PLXNA1: variants seen among roughly 807,000 people sequenced by gnomAD.
PLXNA1 encodes the protein plexin A1.
A neutral mutation model predicts 191.7 loss-of-function variants in PLXNA1; 77 were observed. The observed-to-expected ratio is 0.40, with a 90% confidence interval of 0.33 to 0.49. PLXNA1 has a LOEUF of 0.49. PLXNA1 is among the 20% of genes least tolerant of loss of function. The probability of loss-of-function intolerance (pLI) is 0.63; values close to 1 mark genes in which losing one functional copy is unlikely to be tolerated. For synonymous variants in PLXNA1, 1,137 were observed against 1,156.4 expected, an observed-to-expected ratio of 0.98 and a Z score of 0.34; for missense variants, 2,110 against 2,660.2, an observed-to-expected ratio of 0.79 and a Z score of 4.55.
At chr3:127,019,475 C>T (rs1413821363) in intron 20 of PLXNA1, among the ~76,000 whole-genome samples, 1 of 152,188 alleles carries the variant, frequency 6.6e-6, no homozygotes, top group East Asian at 1.9e-4. Flanking sequence ...CTGAGGCTGG[C>T]TGTCTGGCGA....
At chr3:127,019,593 T>C (rs2079142749) in intron 20 of PLXNA1, among the ~76,000 whole-genome samples, 2 of 152,328 alleles carry the variant, frequency 1.3e-5, no homozygotes, top group Admixed American at 6.5e-5. Flanking sequence ...CAGCTCTTAA[T>C]TAAACCTGTC....
chr3:126,998,484 G>C (rs913474091), intron 3 of PLXNA1, among the ~76,000 whole-genome samples: 1 of 152,184 alleles, frequency 6.6e-6, no homozygotes, highest in Non-Finnish European at 1.5e-5. Flanking sequence ...CAAGCCCCAG[G>C]TTAGCCCGGA....
chr3:126,997,577 C>G (rs149600296), intron 3 of PLXNA1, among the ~76,000 whole-genome samples: 4,007 of 152,348 alleles, frequency 0.026, 82 homozygotes, highest in Middle Eastern at 0.041. Context: ...TCACGGGGCC[C>G]TGCACGGTAA....
Position 127,029,827 on chromosome 3 carries a change from G to T in PLXNA1, c.4871-47G>T, listed in dbSNP as rs1231010761. ...GATGGGGAAACAGGCTCGGGCGGGGGGTGCGGGGTGCCAGCCAACGCGGGC... is the reference window on the plus strand; with the variant it reads ...GATGGGGAAACAGGCTCGGGCGGGGTGTGCGGGGTGCCAGCCAACGCGGGC... On this transcript the variant is annotated intron_variant, in intron 27 of 31. Coordinates refer to ENST00000393409, the MANE Select transcript of PLXNA1 (RefSeq NM_032242.4). 2 of 1,514,862 alleles carry T rather than the reference G, an allele frequency of 1.3e-6. No individual in the cohort carries two copies. Among genetic ancestry groups the T allele is most frequent in the Admixed American group, 2.0e-5 (1 of 49,054 alleles). 93.8% of individuals were successfully genotyped at this position (1,514,862 alleles called of 1,614,324 possible).
intron 7 of PLXNA1, among the ~76,000 whole-genome samples, chr3:127,005,704 T>G (rs1173464199): frequency 2.9e-5 from 3 of 105,090 alleles, no homozygotes; most frequent in African/African-American, 7.6e-5. Flanking sequence ...AGGCTGAAGG[T>G]GGGAGTGGGT....
In PLXNA1 at chr3:127,018,482, C is replaced by G. The variant is rs141143687; in HGVS notation, c.3849C>G (p.Leu1283=). Residue 1283 remains leucine, a synonymous_variant, in exon 20 of 32, where the codon CTC becomes CTG. Coordinates refer to ENST00000393409, the MANE Select transcript of PLXNA1 (RefSeq NM_032242.4). The part of the protein sequence containing the change: ...DADRTLKRLQ[L]QMDNLESRVA... ...ACCGCACACTCAAGCGGCTGCAGCT[C>G]CAGATGGACAACCTGGAGTCCCGCG... 6.0e-5 allele frequency: 97 copies of G among 1,612,372 alleles called. No individual in the cohort carries two copies. In the African/African-American group the frequency reaches 1.2e-3, roughly 20 times the overall value.
Position 127,035,595 on chromosome 3 carries a change from C to CT in PLXNA1, c.*1584dup, listed in dbSNP as rs1396520208. The CT allele has an allele frequency of 2.0e-5, 3 of 152,556 alleles. No homozygotes were observed. The highest frequency in any genetic ancestry group is 4.4e-5 in the Non-Finnish European group (3 of 68,026). 9.5% of individuals were successfully genotyped at this position (152,556 alleles called of 1,614,324 possible). ...GTTGAATACTAGAGGTTGTTAGACC[C>CT]TTTTTTATGTTTTTTAATTAATCAG... On this transcript the variant is annotated 3_prime_UTR_variant, in exon 32 of 32. Transcript: ENST00000393409.
At chr3:127,030,088 G>T (rs1336951264) in intron 28 of PLXNA1, 24 bp downstream of exon 28, 3 of 1,607,212 alleles carry the variant, frequency 1.9e-6, no homozygotes, top group East Asian at 2.2e-5. Flanking sequence ...GCAGATGGGG[G>T]CAGGGGACGC....
In PLXNA1 at chr3:127,019,472, T is replaced by A. The variant is rs114644297; in HGVS notation, c.3896-730T>A. The stretch of plus-strand genomic sequence containing the variant: ...CCCTTGTGCTCCCGCCTGCTGAGGC[T>A]GGCTGTCTGGCGAGGCTGGCGTGTG... On this transcript the variant is annotated intron_variant, in intron 20 of 31. Coordinates refer to ENST00000393409, the MANE Select transcript of PLXNA1 (RefSeq NM_032242.4). Among the ~76,000 whole-genome samples, 1,073 of 152,302 alleles carry A rather than the reference T, an allele frequency of 7.0e-3. 9 individuals are homozygous for A. The highest frequency in any genetic ancestry group is 0.012 in the Non-Finnish European group (784 of 68,024).
Position 127,016,937 on chromosome 3 carries a change from G to T in PLXNA1, c.3183-7G>T, listed in dbSNP as rs764987715. On this transcript the variant is annotated splice_polypyrimidine_tract_variant and splice_region_variant and intron_variant, in intron 16 of 31. Transcript: ENST00000393409. The stretch of plus-strand genomic sequence containing the variant: ...TTGGTGACCCCCCCACCCCTGTCCT[G>T]TTCCAGCGGTGGGACCCTCCTGACG... 4.3e-6 allele frequency: 7 copies of T among 1,610,084 alleles called. No homozygotes were observed. The Admixed American group carries it at 1.0e-4, about 23-fold the overall frequency.
intron 9 of PLXNA1, among the ~76,000 whole-genome samples, chr3:127,010,557 G>T (rs1474868514): frequency 6.6e-6 from 1 of 152,208 alleles, no homozygotes; most frequent in Non-Finnish European, 1.5e-5. Context: ...CAGAGGGCAG[G>T]GGTGGCGAGG....
chr3:126,986,189 C>T (rs994383502), intron 1 of PLXNA1, among the ~76,000 whole-genome samples: 2 of 152,210 alleles, frequency 1.3e-5, no homozygotes, highest in African/African-American at 2.4e-5. Context: ...GTGAGTGATT[C>T]ATGTTTTCTT....
rs577711562 is a variant in PLXNA1, at chr3:127,003,480, G to C, written c.1518+10G>C. ...CATGACCGAGAAGCAGGTGGGTGCTGCACCAGTCAGACGGTGTGGCTGAAG... is the reference window on the plus strand; with the variant it reads ...CATGACCGAGAAGCAGGTGGGTGCTCCACCAGTCAGACGGTGTGGCTGAAG... On this transcript the variant is annotated intron_variant, in intron 4 of 31. Coordinates refer to ENST00000393409, the MANE Select transcript of PLXNA1 (RefSeq NM_032242.4). The C allele has an allele frequency of 3.8e-6, 6 of 1,593,002 alleles. No individual in the cohort carries two copies. In the East Asian group the frequency reaches 1.4e-4, roughly 36 times the overall value.
chr3:127,016,546 C>G lies in PLXNA1; in HGVS notation c.3044C>G (p.Thr1015Arg). ...AACTCCCGTGAGATCCGGTGCCTGA[C>G]ACCCCCCGGGCAGAGCCCTGGCAGC... is the stretch of plus-strand genomic sequence containing the variant. ...WRNSREIRCL[T>R]PPGQSPGSAP... The change falls in exon 16 of 32, where the codon ACA becomes AGA. Residue 1015 changes from threonine (T) to arginine (R), a missense_variant. Transcript: ENST00000393409. 1 of 1,613,878 alleles carries G rather than the reference C, an allele frequency of 6.2e-7. No individual in the cohort carries two copies. Among genetic ancestry groups the G allele is most frequent in the Non-Finnish European group, 8.5e-7 (1 of 1,179,946 alleles).
chr3:127,017,128 C>A, intron 17 of PLXNA1, 91 bp downstream of exon 17: 1 of 1,218,356 alleles, frequency 8.2e-7, no homozygotes, highest in Non-Finnish European at 1.2e-6. Context: ...TGCCCCTGCC[C>A]CTACCCCTGC....
intron 2 of PLXNA1, 41 bp from the exon 3 acceptor site, chr3:126,991,343 A>C (rs779877349): frequency 2.2e-5 from 36 of 1,602,760 alleles, no homozygotes; most frequent in South Asian, 3.3e-5. Flanking sequence ...CTCCGGGAGA[A>C]GGTGCCCGGG....
intron 7 of PLXNA1, among the ~76,000 whole-genome samples, 184 bp from the exon 8 acceptor site, chr3:127,005,895 G>A (rs897090135): frequency 6.6e-6 from 1 of 152,126 alleles, no homozygotes; most frequent in South Asian, 2.1e-4. Context: ...CACTGAGCAG[G>A]AGGCAAGCAG....
intron 3 of PLXNA1, among the ~76,000 whole-genome samples, chr3:127,002,172 G>A (rs1196100619): frequency 1.3e-5 from 2 of 152,226 alleles, no homozygotes; most frequent in East Asian, 1.9e-4. Flanking sequence ...GTGGGCCATG[G>A]CCCTGCAGCC....
At position 126,989,765 on chromosome 3, in the gene PLXNA1, A is replaced by G. The variant is rs2078981851; in HGVS notation, c.1172A>G (p.Lys391Arg). ...CTCTCCCTGCCGTGGCTGCTCAACAAGGAGCTGGGCTGCATCAACTCGGTG... is the reference window on the plus strand; with the variant it reads ...CTCTCCCTGCCGTGGCTGCTCAACAGGGAGCTGGGCTGCATCAACTCGGTG... Reference protein sequence around the residue: ...GKLSLPWLLNKELGCINSPLQ... With the variant: ...GKLSLPWLLNRELGCINSPLQ... The change falls in exon 2 of 32, where the codon AAG becomes AGG. Residue 391 changes from lysine (K) to arginine (R), a missense_variant. Physicochemically the swap from Lys to Arg is conservative, Grantham distance 26. This residue lies in a region of PLXNA1 where 903 missense variants were observed against 1,015.7 expected (regional missense o/e 0.89). Transcript: ENST00000393409. 2 of 1,610,620 alleles carry G rather than the reference A, an allele frequency of 1.2e-6. No homozygotes were observed.
Sources: allele counts gnomAD v4.1 joint callset (sites outside exome capture counted in the v4.1 genomes callset), GRCh38; gene constraint gnomAD v4.1.1; regional missense constraint gnomAD v4.1.1; transcripts MANE v1.5; gene names NCBI Gene and HGNC (gene_info 2026-07-23, HGNC 2026-07-21).